The following THSD1 variants were observed in gnomAD, a reference collection of about 807,000 sequenced individuals.
The protein encoded by THSD1 is thrombospondin type 1 domain containing 1, also known as thrombospondin type-1 domain-containing protein 1.
A neutral mutation model predicts 46.3 loss-of-function variants in THSD1; 34 were observed. The ratio of observed to expected loss-of-function variants is 0.74; its 90% CI spans 0.56 to 0.98. THSD1 has a LOEUF of 0.98. Ranked by LOEUF, THSD1 falls within the 50% of genes least tolerant of loss-of-function variation. The probability of loss-of-function intolerance (pLI) is 0.00; values close to 1 mark genes in which losing one functional copy is unlikely to be tolerated. For synonymous variants in THSD1, 407 were observed against 416.5 expected, an observed-to-expected ratio of 0.98 and a Z score of 0.28; for missense variants, 1,023 against 1,058.3, an observed-to-expected ratio of 0.97 and a Z score of 0.46.
chr13:52,385,373 G>A (rs898679809), intron 4 of THSD1, among the ~76,000 whole-genome samples: 1 of 152,184 alleles, frequency 6.6e-6, no homozygotes, highest in Admixed American at 6.5e-5. Flanking sequence ...TCCACAAGCT[G>A]GGGCAAACCT....
chr13:52,402,868 C>G, intron 1 of THSD1, 187 bp from the exon 2 acceptor site: 2 of 984,564 alleles, frequency 2.0e-6, no homozygotes, highest in African/African-American at 3.5e-5. Context: ...TCCATTATAA[C>G]TCACAGGTCA....
At chr13:52,379,511 G>A (rs769541497) in intron 4 of THSD1, among the ~76,000 whole-genome samples, 4 of 151,126 alleles carry the variant, frequency 2.6e-5, no homozygotes, top group Non-Finnish European at 4.4e-5. Context: ...TTGCTCTGTC[G>A]CCCAGGATGG....
In THSD1 at chr13:52,402,669, T is replaced by C. The variant is rs1044639943; in HGVS notation, c.-69A>G. ...TCTCACGTCCAGATTGTGATTTTTT[T>C]CCCCAAAAACACCTGAAATTAGAAC... On this transcript the variant is annotated 5_prime_UTR_variant, in exon 2 of 5. Coordinates refer to ENST00000258613, the MANE Select transcript of THSD1 (RefSeq NM_018676.4). The C allele has an allele frequency of 1.9e-6, 3 of 1,593,842 alleles. No individual in the cohort carries two copies. The highest frequency in any genetic ancestry group is 2.6e-6 in the Non-Finnish European group (3 of 1,168,776).
At chr13:52,405,662 G>A (rs1957900794) in intron 1 of THSD1, among the ~76,000 whole-genome samples, 1 of 152,174 alleles carries the variant, frequency 6.6e-6, no homozygotes, top group African/African-American at 2.4e-5. Context: ...AATGAGGACC[G>A]TCTTTAATTT....
chr13:52,381,418 G>A (rs1957691160), intron 4 of THSD1, among the ~76,000 whole-genome samples: 1 of 152,034 alleles, frequency 6.6e-6, no homozygotes, highest in African/African-American at 2.4e-5. Flanking sequence ...CCTTCCATGG[G>A]TCCCCTAAAA....
rs570722588 is a variant in THSD1, at chr13:52,390,053, T to G, written c.1022-3867A>C. Among the ~76,000 whole-genome samples, 22 of 151,006 alleles carry G rather than the reference T, an allele frequency of 1.5e-4. 1 individual carries two copies. The South Asian group carries it at 2.1e-3, about 14-fold the overall frequency. On this transcript the variant is annotated intron_variant, in intron 3 of 4. Transcript: ENST00000258613. ...TACTCGGGAGACTGAGGTAGGAGGA[T>G]CACCTGAGCCAGGGGAAGTCGAGGC...
rs376549270 is a variant in THSD1, at chr13:52,378,160, G to A, written c.1810C>T (p.Pro604Ser). ...QPAVSAGERP[P>S]SRLDLNVTQA... ...GTCACATTTAGATCCAGCCTGGAGGGAGGCCTTTCCCCGGCACTGACCGCG... is the reference window on the plus strand; with the variant it reads ...GTCACATTTAGATCCAGCCTGGAGGAAGGCCTTTCCCCGGCACTGACCGCG... Residue 604 changes from proline (P) to serine (S), a missense_variant, in exon 5 of 5, where the codon CCC becomes TCC. Physicochemically the swap from Pro to Ser is moderately conservative, Grantham distance 74 (BLOSUM62 -1). Transcript: ENST00000258613. 2 of 1,614,180 alleles carry A rather than the reference G, an allele frequency of 1.2e-6. No homozygotes were observed. Among genetic ancestry groups the A allele is most frequent in the Non-Finnish European group, 8.5e-7 (1 of 1,180,022 alleles).
chr13:52,404,317 C>T (rs529217406), intron 1 of THSD1, among the ~76,000 whole-genome samples: 2 of 152,112 alleles, frequency 1.3e-5, no homozygotes, highest in African/African-American at 4.8e-5. Flanking sequence ...GATAAGAGCA[C>T]AAATTAGTGG....
Position 52,397,408 on chromosome 13 carries a change from G to C in THSD1, c.845C>G (p.Pro282Arg), listed in dbSNP as rs1389243008. ...AGCCAAGTGAATGGTCCTCTTCCCA[G>C]GGTATCTGGGGGCCTCCTTGAAGAC... Reference protein sequence around the residue: ...VTVFKEAPRYPGKRTIHLAEN... With the variant: ...VTVFKEAPRYRGKRTIHLAEN... The change falls in exon 3 of 5, where the codon CCT (proline) becomes CGT (arginine). Residue 282 changes from proline (P) to arginine (R), a missense_variant. By Grantham distance (103) the Pro-to-Arg change is moderately radical (BLOSUM62 -2). This residue lies in a region of THSD1 where 429 missense variants were observed against 518.3 expected (regional missense o/e 0.83). Coordinates refer to ENST00000258613, the MANE Select transcript of THSD1 (RefSeq NM_018676.4). 1 of 1,614,000 alleles carries C rather than the reference G, an allele frequency of 6.2e-7. No homozygotes were observed. The highest frequency in any genetic ancestry group is 2.2e-5 in the East Asian group (1 of 44,884).
rs557461331 is a variant in THSD1 at position 52,394,839 on chromosome 13, T to C, written c.1021+2393A>G. Reference sequence around the variant, plus strand: ...TTTGCCACCAAATGAGCTTCCCCCATCTGCTGTGCAGAGGGGATTTATAGG... The same window carrying C: ...TTTGCCACCAAATGAGCTTCCCCCACCTGCTGTGCAGAGGGGATTTATAGG... On this transcript the variant is annotated intron_variant, in intron 3 of 4. Coordinates refer to ENST00000258613, the MANE Select transcript of THSD1 (RefSeq NM_018676.4). 6.6e-5 allele frequency among the ~76,000 whole-genome samples: 10 copies of C among 152,210 alleles called. No individual in the cohort carries two copies. The South Asian group carries it at 2.1e-3, about 32-fold the overall frequency.
chr13:52,381,533 C>G (rs1367535905), intron 4 of THSD1, among the ~76,000 whole-genome samples: 2 of 152,204 alleles, frequency 1.3e-5, no homozygotes, highest in Non-Finnish European at 2.9e-5. Context: ...CAGGCAAGTA[C>G]ATGCCCAGCT....
rs567897066 is a variant in THSD1 at position 52,391,968 on chromosome 13, G to A, written c.1021+5264C>T. On this transcript the variant is annotated intron_variant, in intron 3 of 4. Transcript: ENST00000258613. ...AGGACTTTGGGAGTCCGAGGCAGGC[G>A]GATCACAAGGTCAGGAGTTCGAGAC... Among the ~76,000 whole-genome samples, 10 of 151,942 alleles carry A rather than the reference G, an allele frequency of 6.6e-5. No individual in the cohort carries two copies. The East Asian group carries it at 1.4e-3, about 21-fold the overall frequency.
At chr13:52,391,848 C>A (rs1957775181) in intron 3 of THSD1, among the ~76,000 whole-genome samples, 1 of 150,916 alleles carries the variant, frequency 6.6e-6, no homozygotes, top group African/African-American at 2.4e-5. Flanking sequence ...CGGCAAAAAT[C>A]TTAATGTCAA....
In THSD1 at chr13:52,378,107, G is replaced by C. The variant is rs1442902040; in HGVS notation, c.1863C>G (p.Ser621Arg). ...CCTGTGACTTGCGGATCAGAGTCTGGCTGGGGCTTATGGCACAACTGGCCT... is the reference window on the plus strand; with the variant it reads ...CCTGTGACTTGCGGATCAGAGTCTGCCTGGGGCTTATGGCACAACTGGCCT... ...VTQASCAISP[S>R]QTLIRKSQAR... Residue 621 changes from serine to arginine, a missense_variant, in exon 5 of 5, where the codon AGC becomes AGG. Around this residue, in one of 3 missense-constraint regions of THSD1, gnomAD observed 578 missense variants for 497.4 expected, o/e 1.16. Transcript: ENST00000258613. The C allele has an allele frequency of 1.2e-6, 2 of 1,614,082 alleles. No homozygotes were observed. The highest frequency in any genetic ancestry group is 2.7e-5 in the African/African-American group (2 of 74,932).
chr13:52,403,400 A>G (rs1385786931), intron 1 of THSD1, among the ~76,000 whole-genome samples: 1 of 152,196 alleles, frequency 6.6e-6, no homozygotes, highest in East Asian at 1.9e-4. Flanking sequence ...TTCACACAGC[A>G]ATCTTCCCAG....
At chr13:52,400,742 C>CT (rs1461144538) in intron 2 of THSD1, among the ~76,000 whole-genome samples, 4 of 152,166 alleles carry the variant, frequency 2.6e-5, no homozygotes, top group African/African-American at 4.8e-5. Context: ...ACAATACCTA[C>CT]TTTTTTTATC....
intron 1 of THSD1, 98 bp from the exon 2 acceptor site, chr13:52,402,779 A>T: frequency 7.2e-7 from 1 of 1,394,194 alleles, no homozygotes; most frequent in Non-Finnish European, 9.3e-7. Context: ...CAAACTTTCT[A>T]AGTGATATTG....
Position 52,406,044 on chromosome 13 carries a change from C to A in THSD1, c.-95G>T, listed in dbSNP as rs1417791646. ...GGCGCTTCTTACCTTTCGAGACTGA[C>A]GGGCAGCAACCCCAGGCCGTCCGGG... On this transcript the variant is annotated 5_prime_UTR_variant, in exon 1 of 5. Coordinates refer to ENST00000258613, the MANE Select transcript of THSD1 (RefSeq NM_018676.4). 6.6e-6 allele frequency: 1 copy of A among 152,288 alleles called. No individual in the cohort carries two copies. The highest frequency in any genetic ancestry group is 2.4e-5 in the African/African-American group (1 of 41,452). 9.4% of individuals were successfully genotyped at this position (152,288 alleles called of 1,614,324 possible). A position where few individuals can be genotyped will look rare whatever the true frequency, so the allele number is the denominator to read the frequency against.
rs2137719191 is a variant in THSD1, at chr13:52,377,571, C to CA, written c.2398dup (p.Cys800LeufsTer9). ...CTCAGGGTGAGTGGGGAAGCTTTGA[C>CA]ACTTGTCTTTTCTACACTGAGAAGG... is the stretch of plus-strand genomic sequence containing the variant. On this transcript the variant is annotated frameshift_variant, in exon 5 of 5. Transcript: ENST00000258613. LOFTEE classifies it high-confidence loss of function. 1 of 1,600,104 alleles carries CA rather than the reference C, an allele frequency of 6.2e-7. No homozygotes were observed. Among genetic ancestry groups the CA allele is most frequent in the African/African-American group, 1.3e-5 (1 of 74,756 alleles).
Sources: gnomAD v4.1 joint callset for allele counts (sites outside exome capture counted in the v4.1 genomes callset) on GRCh38, gnomAD v4.1.1 for gene constraint, gnomAD v4.1.1 regional missense constraint, MANE v1.5 for transcripts, NCBI Gene and HGNC (gene_info 2026-07-23, HGNC 2026-07-21) for gene names.